Variants in FBLN5 observed in about 807,000 individuals in gnomAD.
FBLN5 encodes the protein fibulin 5.
In FBLN5, 24 loss-of-function variants were observed where a neutral mutation model predicts 61.6. The ratio of observed to expected loss-of-function variants is 0.39; its 90% CI spans 0.28 to 0.55. FBLN5 has a LOEUF of 0.55. Ranked by LOEUF, FBLN5 falls within the 20% of genes least tolerant of loss-of-function variation. The probability of loss-of-function intolerance (pLI) is 0.65; values close to 1 mark genes in which losing one functional copy is unlikely to be tolerated. For synonymous variants in FBLN5, 213 were observed against 219.8 expected, an observed-to-expected ratio of 0.97 and a Z score of 0.27; for missense variants, 470 against 594.1, an observed-to-expected ratio of 0.79 and a Z score of 2.17.
rs1327295219 is a variant in FBLN5, at chr14:91,947,601, A to G, written c.-372T>C. ...TCACCAACTGGCTAGACTCCTCACA[A>G]CAATCTTGGGGCGTCTGCCAGGGCC... On this transcript the variant is annotated 5_prime_UTR_variant, in exon 1 of 11. Transcript: ENST00000342058. This position sits in a 1 kb window ranked among gnomAD's most constrained non-coding sequence, Gnocchi z 4.3. 8 of 311,892 alleles carry G rather than the reference A, an allele frequency of 2.6e-5. No individual in the cohort carries two copies. The East Asian group carries it at 5.5e-4, about 21-fold the overall frequency. The allele number at this position is 311,892 out of a possible 1,614,324, so 19.3% of individuals were successfully genotyped here. A position where few individuals can be genotyped will look rare whatever the true frequency, so the allele number is the denominator to read the frequency against.
chr14:91,926,159 C>T (rs1054180204), intron 4 of FBLN5, among the ~76,000 whole-genome samples: 1 of 152,232 alleles, frequency 6.6e-6, no homozygotes, highest in African/African-American at 2.4e-5. Context: ...ACCCCACCCA[C>T]TTCCCTGAAC....
chr14:91,940,748 C>A lies in FBLN5; in HGVS notation c.73-132G>T, dbSNP rs1030132470. ...CAAAATACCAATACCTGTATTATAACCCCTATTTGTTCTTCTAAAATTTTT... is the reference window on the plus strand; with the variant it reads ...CAAAATACCAATACCTGTATTATAAACCCTATTTGTTCTTCTAAAATTTTT... On this transcript the variant is annotated intron_variant, in intron 2 of 10. Transcript: ENST00000342058. The A allele has an allele frequency of 9.5e-6, 7 of 737,682 alleles. No homozygotes were observed. The Middle Eastern group carries it at 7.9e-4, about 83-fold the overall frequency. 45.7% of individuals were successfully genotyped at this position (737,682 alleles called of 1,614,324 possible). A position where few individuals can be genotyped will look rare whatever the true frequency, so the allele number is the denominator to read the frequency against.
chr14:91,903,103 T>TG (rs1407673983), intron 4 of FBLN5, among the ~76,000 whole-genome samples: 1 of 152,126 alleles, frequency 6.6e-6, no homozygotes, highest in African/African-American at 2.4e-5. Context: ...TTTTTTTTAA[T>TG]GGGGAAAAAA....
rs137901671 is a variant in FBLN5, at chr14:91,891,235, C to A, written c.605G>T (p.Gly202Val). 1 of 1,605,106 alleles carries A rather than the reference C, an allele frequency of 6.2e-7. No individual in the cohort carries two copies. The highest frequency in any genetic ancestry group is 1.3e-5 in the African/African-American group (1 of 74,756). The change falls in exon 6 of 11, where the codon GGA (glycine) becomes GTA (valine). Residue 202 changes from glycine to valine, a missense_variant. Gly to Val is a moderately radical substitution (Grantham distance 109). Coordinates refer to ENST00000342058, the MANE Select transcript of FBLN5 (RefSeq NM_006329.4). ...ACGTCACATACCTTGGCAAGACCTTCCATCCTCATTGAGGGTAAAACCAGG... is the reference window on the plus strand; with the variant it reads ...ACGTCACATACCTTGGCAAGACCTTACATCCTCATTGAGGGTAAAACCAGG... ...CNPGFTLNEDGRSCQDVNECA... is the reference protein window; with the variant it reads ...CNPGFTLNEDVRSCQDVNECA...
intron 4 of FBLN5, among the ~76,000 whole-genome samples, chr14:91,922,032 G>A (rs1039660620): frequency 8.5e-5 from 13 of 152,100 alleles, no homozygotes; most frequent in African/African-American, 2.2e-4. Flanking sequence ...AGACAGGCGC[G>A]GTGGCCTGTA....
intron 7 of FBLN5, among the ~76,000 whole-genome samples, chr14:91,885,038 G>A (rs1055745468): frequency 6.6e-6 from 1 of 152,146 alleles, no homozygotes; most frequent in Non-Finnish European, 1.5e-5. Flanking sequence ...AGGGGTCTGG[G>A]GCTACACGGA....
At chr14:91,940,422 G>T in intron 3 of FBLN5, 143 bp downstream of exon 3, 1 of 741,434 alleles carries the variant, frequency 1.3e-6, no homozygotes, top group African/African-American at 1.7e-5. Context: ...ATCAATAAAA[G>T]GGCACCACTG....
At chr14:91,931,472 A>T (rs1340714993) in intron 4 of FBLN5, among the ~76,000 whole-genome samples, 1 of 152,202 alleles carries the variant, frequency 6.6e-6, no homozygotes, top group African/African-American at 2.4e-5. Flanking sequence ...GCCTCAGACC[A>T]ACACCACCCA....
chr14:91,937,253 C>T, intron 3 of FBLN5, 52 bp from the exon 4 acceptor site: 2 of 1,611,558 alleles, frequency 1.2e-6, no homozygotes, highest in Non-Finnish European at 1.7e-6. Context: ...TGCCTTGTGT[C>T]CGGTGCATAT....
chr14:91,929,093 A>T (rs1253612111), intron 4 of FBLN5, among the ~76,000 whole-genome samples: 1 of 150,764 alleles, frequency 6.6e-6, no homozygotes, highest in Non-Finnish European at 1.5e-5. Flanking sequence ...ACACACACAC[A>T]CACACACACA....
chr14:91,912,807 C>T (rs1891011022), intron 4 of FBLN5, among the ~76,000 whole-genome samples: 2 of 112,154 alleles, frequency 1.8e-5, no homozygotes, highest in Non-Finnish European at 3.9e-5. Flanking sequence ...GAGACTCTGA[C>T]TCAAAAAAAA....
intron 4 of FBLN5, among the ~76,000 whole-genome samples, chr14:91,931,618 A>C (rs2055925603): frequency 6.6e-6 from 1 of 152,236 alleles, no homozygotes; most frequent in South Asian, 2.1e-4. Context: ...CAGTCCCCGG[A>C]GTAGCAGGGC....
At chr14:91,888,434 G>A (rs559709318) in intron 6 of FBLN5, among the ~76,000 whole-genome samples, 4 of 151,860 alleles carry the variant, frequency 2.6e-5, no homozygotes, top group Non-Finnish European at 5.9e-5. Context: ...GTGAAGTCCC[G>A]TCTCTACTAA....
intron 4 of FBLN5, among the ~76,000 whole-genome samples, chr14:91,929,251 C>T (rs1273273897): frequency 6.6e-6 from 1 of 152,016 alleles, no homozygotes; most frequent in Non-Finnish European, 1.5e-5. Context: ...TTCAAAATAA[C>T]TGCCACAGCT....
intron 4 of FBLN5, among the ~76,000 whole-genome samples, chr14:91,935,476 C>G (rs1196171246): frequency 6.6e-6 from 1 of 152,248 alleles, no homozygotes; most frequent in Non-Finnish European, 1.5e-5. Flanking sequence ...TTATCCAGCC[C>G]CCACGTGACA....
At chr14:91,930,172 C>T (rs1295479847) in intron 4 of FBLN5, among the ~76,000 whole-genome samples, 1 of 152,198 alleles carries the variant, frequency 6.6e-6, no homozygotes, top group Non-Finnish European at 1.5e-5. Flanking sequence ...CAGTAACGAA[C>T]TTAGGAAGCC....
intron 4 of FBLN5, among the ~76,000 whole-genome samples, chr14:91,907,481 AAGGT>A (rs1202774893): frequency 2.0e-5 from 3 of 152,120 alleles, no homozygotes; most frequent in Non-Finnish European, 4.4e-5. Context: ...CCAAAAGAAG[AAGGT>A]AGGGAACAGC....
At chr14:91,895,160 G>T (rs1375553348) in intron 4 of FBLN5, 88 bp from the exon 5 acceptor site, 6 of 1,543,554 alleles carry the variant, frequency 3.9e-6, no homozygotes, top group Non-Finnish European at 1.8e-6. Context: ...CATCTTGGCT[G>T]GGAGGCAGTT....
At chr14:91,927,199 C>G (rs2140033006) in intron 4 of FBLN5, among the ~76,000 whole-genome samples, 1 of 152,278 alleles carries the variant, frequency 6.6e-6, no homozygotes, top group East Asian at 1.9e-4. Flanking sequence ...CGTTTTATCC[C>G]ACTCAGGCAC....
Sources: gnomAD v4.1 joint callset for allele counts (sites outside exome capture counted in the v4.1 genomes callset) on GRCh38, gnomAD v4.1.1 for gene constraint, Gnocchi (gnomAD v3.1) non-coding constraint, MANE v1.5 for transcripts, NCBI Gene and HGNC (gene_info 2026-07-23, HGNC 2026-07-21) for gene names.